The following EYA3 variants were observed in gnomAD, a reference collection of about 807,000 sequenced individuals.
The protein encoded by EYA3 is EYA transcriptional coactivator and phosphatase 3.
A neutral mutation model predicts 80.0 loss-of-function variants in EYA3; 39 were observed. That is an observed-to-expected ratio of 0.49 (90% CI 0.38 to 0.64). The LOEUF is 0.64. Ranked by LOEUF, EYA3 falls within the 30% of genes least tolerant of loss-of-function variation. EYA3 has a pLI of 0.00. For missense variants in EYA3, 523 were observed against 676.1 expected (o/e 0.77, Z 2.51); for synonymous variants, 206 against 232.8 (o/e 0.88, Z 1.05).
chr1:28,027,976 A>G lies in EYA3; in HGVS notation c.362-50T>C, dbSNP rs748825045. Reference sequence around the variant, plus strand: ...TACAAACAATACACTGGGACTGAGGAGCATGGTTATGCTTTCAAATATCAG... The same window carrying G: ...TACAAACAATACACTGGGACTGAGGGGCATGGTTATGCTTTCAAATATCAG... On this transcript the variant is annotated intron_variant, in intron 6 of 17. Coordinates refer to ENST00000373871, the MANE Select transcript of EYA3 (RefSeq NM_001990.4). 4 of 1,601,598 alleles carry G rather than the reference A, an allele frequency of 2.5e-6. No individual in the cohort carries two copies. In the East Asian group the frequency reaches 8.9e-5, roughly 36 times the overall value.
At position 27,993,596 on chromosome 1, in the gene EYA3, T is replaced by C. The variant is rs771552030; in HGVS notation, c.1143-36A>G. ...AGAAGATAATAAAAATTAAAATTTA[T>C]ACAGCATAAAGTTTTTGTTTGAGTG... On this transcript the variant is annotated intron_variant, in intron 13 of 17. Transcript: ENST00000373871. 7 of 1,538,274 alleles carry C rather than the reference T, an allele frequency of 4.6e-6. No individual in the cohort carries two copies. In the South Asian group the frequency reaches 7.7e-5, roughly 17 times the overall value.
In EYA3 at chr1:28,035,591, T is replaced by C. The variant is rs756817078; in HGVS notation, c.314A>G (p.Tyr105Cys). The C allele has an allele frequency of 6.2e-7, 1 of 1,613,910 alleles. No homozygotes were observed. The highest frequency in any genetic ancestry group is 1.7e-5 in the Admixed American group (1 of 60,006). Reference protein sequence around the residue: ...QYQTLQQTQPYAVYPQATQTY... With the variant: ...QYQTLQQTQPCAVYPQATQTY... ...TTGGGTTGCCTGAGGGTAGACAGCATAGGGTTGAGTCTGCTGTAGTGTCTG... is the reference window on the plus strand; with the variant it reads ...TTGGGTTGCCTGAGGGTAGACAGCACAGGGTTGAGTCTGCTGTAGTGTCTG... Residue 105 changes from tyrosine to cysteine, a missense_variant, in exon 6 of 18, where the codon TAT becomes TGT. This residue lies in a region of EYA3 where 304 missense variants were observed against 343.3 expected (regional missense o/e 0.89). Transcript: ENST00000373871.
intron 7 of EYA3, among the ~76,000 whole-genome samples, chr1:28,018,230 G>A (rs1642202526): frequency 1.3e-5 from 2 of 151,824 alleles, no homozygotes; most frequent in Admixed American, 1.3e-4. Flanking sequence ...AAAAAAGAAA[G>A]AAAATGCTGA....
In EYA3 at chr1:27,974,397, T is replaced by C. The variant is rs1638839862; in HGVS notation, c.*69A>G. The C allele has an allele frequency of 9.5e-6, 11 of 1,153,582 alleles. No homozygotes were observed. The highest frequency in any genetic ancestry group is 1.5e-5 in the African/African-American group (1 of 64,690). 71.5% of individuals were successfully genotyped at this position (1,153,582 alleles called of 1,614,324 possible). A position where few individuals can be genotyped will look rare whatever the true frequency, so the allele number is the denominator to read the frequency against. ...AGAGACAGACAGAGAAAGTTCTCAG[T>C]TGGTTCCAGTCTCCAGCTCCCTTCA... On this transcript the variant is annotated 3_prime_UTR_variant, in exon 18 of 18. Coordinates refer to ENST00000373871, the MANE Select transcript of EYA3 (RefSeq NM_001990.4).
At chr1:28,053,501 C>T (rs1644341919) in intron 2 of EYA3, among the ~76,000 whole-genome samples, 1 of 152,110 alleles carries the variant, frequency 6.6e-6, no homozygotes, top group Non-Finnish European at 1.5e-5. Context: ...TTCAGAATAT[C>T]CAGGCTCAAG....
At chr1:28,067,287 A>G (rs1571941648) in intron 1 of EYA3, among the ~76,000 whole-genome samples, 4 of 152,328 alleles carry the variant, frequency 2.6e-5, no homozygotes. Flanking sequence ...CATGTGAACA[A>G]TAAGTTTAAC....
intron 1 of EYA3, among the ~76,000 whole-genome samples, chr1:28,065,132 A>G (rs977018827): frequency 2.0e-5 from 3 of 152,362 alleles, no homozygotes; most frequent in East Asian, 3.9e-4. Flanking sequence ...CTATACATAT[A>G]TACCTATGAT....
At chr1:28,083,479 C>T (rs1336613765) in intron 1 of EYA3, among the ~76,000 whole-genome samples, 1 of 151,702 alleles carries the variant, frequency 6.6e-6, no homozygotes, top group Non-Finnish European at 1.5e-5. Context: ...GAGATTGTGC[C>T]ACTGCACTCT....
chr1:28,060,201 G>A (rs546997574), intron 1 of EYA3, among the ~76,000 whole-genome samples: 1 of 152,304 alleles, frequency 6.6e-6, no homozygotes, highest in African/African-American at 2.4e-5. Context: ...AGGAAGGTAA[G>A]AATAATTGTT....
At chr1:27,996,675 G>A (rs1266533717) in intron 13 of EYA3, among the ~76,000 whole-genome samples, 2 of 152,182 alleles carry the variant, frequency 1.3e-5, no homozygotes, top group Non-Finnish European at 1.5e-5. Flanking sequence ...GGTAGTTACT[G>A]GGAAGAACAT....
In EYA3 at chr1:28,011,067, T is replaced by C. The variant is rs369301179; in HGVS notation, c.789A>G (p.Pro263=). 2.9e-4 allele frequency: 474 copies of C among 1,613,456 alleles called. 8 individuals carry two copies. The South Asian group carries it at 4.3e-3, about 15-fold the overall frequency. The part of the protein sequence containing the change: ...RLSSGDPSTS[P]SLSQTTPSKD... ...TACTTGGTGTAGTCTGGGACAAAGATGGACTTGTAGAAGGGTCTCCTGGAA... is the reference window on the plus strand; with the variant it reads ...TACTTGGTGTAGTCTGGGACAAAGACGGACTTGTAGAAGGGTCTCCTGGAA... Residue 263 remains proline (P), a synonymous_variant, in exon 10 of 18, where the codon CCA becomes CCG. Transcript: ENST00000373871.
chr1:28,049,289 T>C (rs1421172663), intron 2 of EYA3, among the ~76,000 whole-genome samples: 1 of 152,224 alleles, frequency 6.6e-6, no homozygotes, highest in Non-Finnish European at 1.5e-5. Context: ...CTCATGAGAA[T>C]ACACAACCAT....
intron 7 of EYA3, 147 bp downstream of exon 7, chr1:28,027,642 A>G: frequency 9.8e-7 from 1 of 1,017,104 alleles, no homozygotes; most frequent in Non-Finnish European, 1.4e-6. Context: ...CACAAAAAGC[A>G]TGCACAAATC....
intron 7 of EYA3, among the ~76,000 whole-genome samples, chr1:28,017,757 T>G (rs550306580): frequency 6.6e-6 from 1 of 152,328 alleles, no homozygotes; most frequent in East Asian, 1.9e-4. Context: ...TGAGTTCTAC[T>G]CAAATAATAG....
chr1:27,974,411 C>T lies in EYA3; in HGVS notation c.*55G>A. 2 of 1,406,932 alleles carry T rather than the reference C, an allele frequency of 1.4e-6. No individual in the cohort carries two copies. Among genetic ancestry groups the T allele is most frequent in the South Asian group, 1.2e-5 (1 of 84,682 alleles). 87.2% of individuals were successfully genotyped at this position (1,406,932 alleles called of 1,614,324 possible). Reference sequence around the variant, plus strand: ...AAAGTTCTCAGTTGGTTCCAGTCTCCAGCTCCCTTCAGGAGTGAAAAGGAG... The same window carrying T: ...AAAGTTCTCAGTTGGTTCCAGTCTCTAGCTCCCTTCAGGAGTGAAAAGGAG... On this transcript the variant is annotated 3_prime_UTR_variant, in exon 18 of 18. Transcript: ENST00000373871.
At chr1:28,022,396 C>A (rs151123999) in intron 7 of EYA3, among the ~76,000 whole-genome samples, 2,052 of 152,188 alleles carry the variant, frequency 0.013, 48 homozygotes, top group African/African-American at 0.046. Flanking sequence ...GATCTGCCTG[C>A]ATCCACCTCC....
intron 2 of EYA3, among the ~76,000 whole-genome samples, chr1:28,053,051 G>C (rs1644312778): frequency 6.7e-6 from 1 of 150,330 alleles, no homozygotes; most frequent in Admixed American, 6.7e-5. Context: ...GTACTCAGGA[G>C]GGTGAGATGG....
intron 1 of EYA3, among the ~76,000 whole-genome samples, chr1:28,080,705 C>T (rs1367128055): frequency 6.6e-6 from 1 of 151,412 alleles, no homozygotes; most frequent in African/African-American, 2.4e-5. Flanking sequence ...AAAATAACCA[C>T]TTCATACTAC....
intron 5 of EYA3, among the ~76,000 whole-genome samples, 160 bp from the exon 6 acceptor site, chr1:28,035,840 A>G (rs931092489): frequency 7.5e-6 from 1 of 132,700 alleles, no homozygotes; most frequent in Admixed American, 7.7e-5. Context: ...TTTGAGACAG[A>G]GTCTTGCTCT....
Sources: allele counts gnomAD v4.1 joint callset (sites outside exome capture counted in the v4.1 genomes callset), GRCh38; gene constraint gnomAD v4.1.1; regional missense constraint gnomAD v4.1.1; transcripts MANE v1.5; gene names NCBI Gene and HGNC (gene_info 2026-07-23, HGNC 2026-07-21).